AP1G1: variants seen among roughly 807,000 people sequenced by gnomAD.
AP1G1 encodes the protein adaptor related protein complex 1 subunit gamma 1.
A neutral mutation model predicts 108.3 loss-of-function variants in AP1G1; 7 were observed. The observed-to-expected ratio is 0.06, with a 90% CI of 0.04 to 0.12. The LOEUF (loss-of-function observed/expected upper bound fraction) is 0.12. Ranked by LOEUF, AP1G1 falls within the 10% of genes least tolerant of loss-of-function variation. The pLI is 1.00. For missense variants in AP1G1, 756 were observed against 1,010.7 expected, an observed-to-expected ratio of 0.75 and a Z score of 3.42; for synonymous variants, 379 against 353.5, an observed-to-expected ratio of 1.07 and a Z score of -0.81.
At chr16:71,750,056 A>T in intron 14 of AP1G1, 73 bp from the exon 15 acceptor site, 1 of 1,489,840 alleles carries the variant, frequency 6.7e-7, no homozygotes, top group South Asian at 1.1e-5. Context: ...ATCATAGGTC[A>T]TCTCATAATA....
chr16:71,770,908 AT>A (rs2031545108), intron 5 of AP1G1, among the ~76,000 whole-genome samples: 2 of 152,218 alleles, frequency 1.3e-5, no homozygotes, highest in Non-Finnish European at 2.9e-5. Flanking sequence ...ACAACTTAAT[AT>A]TTTTAATAAA....
intron 17 of AP1G1, 54 bp downstream of exon 17, chr16:71,746,534 C>T: frequency 1.8e-6 from 2 of 1,109,744 alleles, no homozygotes; most frequent in Non-Finnish European, 2.6e-6. Flanking sequence ...ATTACCATGA[C>T]AATTTAGTCA....
intron 1 of AP1G1, among the ~76,000 whole-genome samples, chr16:71,789,832 C>T (rs1429309711): frequency 6.6e-6 from 1 of 152,158 alleles, no homozygotes; most frequent in African/African-American, 2.4e-5. Context: ...AAGGAAAGGC[C>T]TATGCCTAAC....
Position 71,745,464 on chromosome 16 carries a change from G to C in AP1G1, c.1872+9C>G. On this transcript the variant is annotated intron_variant, in intron 18 of 22. Transcript: ENST00000299980. ...GAAGCCCCAGATGAGCAAGTGAAAG[G>C]CTGGCTACCTGGCTGGTGGGCTGTG... The C allele has an allele frequency of 1.2e-6, 2 of 1,614,128 alleles. No homozygotes were observed. The highest frequency in any genetic ancestry group is 1.7e-6 in the Non-Finnish European group (2 of 1,180,030).
intron 1 of AP1G1, among the ~76,000 whole-genome samples, chr16:71,793,764 A>C (rs1347859304): frequency 6.7e-6 from 1 of 149,926 alleles, no homozygotes; most frequent in African/African-American, 2.5e-5. Context: ...GGCTCACTGC[A>C]ATCTCTGCCT....
intron 1 of AP1G1, among the ~76,000 whole-genome samples, chr16:71,794,905 T>C (rs2032533381): frequency 7.4e-6 from 1 of 135,626 alleles, no homozygotes; most frequent in African/African-American, 2.7e-5. Flanking sequence ...ACAAGCTCCC[T>C]AAGGCTAGAT....
At chr16:71,734,517 G>T in intron 22 of AP1G1, 92 bp downstream of exon 22, 1 of 1,054,412 alleles carries the variant, frequency 9.5e-7, no homozygotes, top group Non-Finnish European at 1.5e-6. Context: ...CTAACTATGA[G>T]TCAGAAAAAC....
At chr16:71,763,991 T>C (rs1417573182) in intron 9 of AP1G1, among the ~76,000 whole-genome samples, 1 of 152,208 alleles carries the variant, frequency 6.6e-6, no homozygotes, top group Non-Finnish European at 1.5e-5. Context: ...GATATTTACA[T>C]AGTCTCAAAA....
chr16:71,777,130 A>C (rs1181892917), intron 2 of AP1G1, among the ~76,000 whole-genome samples: 1 of 149,286 alleles, frequency 6.7e-6, no homozygotes, highest in East Asian at 1.9e-4. Flanking sequence ...AAAAAAAAAA[A>C]AAAACTATAC....
At chr16:71,760,690 G>A (rs2031044387) in intron 10 of AP1G1, among the ~76,000 whole-genome samples, 1 of 152,036 alleles carries the variant, frequency 6.6e-6, no homozygotes, top group Admixed American at 6.6e-5. Flanking sequence ...GACTACAGGT[G>A]CACATCACCA....
chr16:71,786,749 G>C (rs1286579344), intron 2 of AP1G1, among the ~76,000 whole-genome samples: 2 of 151,916 alleles, frequency 1.3e-5, no homozygotes, highest in African/African-American at 4.8e-5. Context: ...GTGAGCCACC[G>C]CACCCAGCCC....
chr16:71,801,579 C>A (rs1162106126), intron 1 of AP1G1, among the ~76,000 whole-genome samples: 2 of 152,224 alleles, frequency 1.3e-5, no homozygotes, highest in Admixed American at 6.5e-5. Context: ...AATCCAAAAT[C>A]TGAAATTCTC....
rs190929863 is a variant in AP1G1, at chr16:71,758,000, T to C, written c.1088+808A>G. 1.1e-4 allele frequency among the ~76,000 whole-genome samples: 17 copies of C among 152,304 alleles called. No individual in the cohort carries two copies. The East Asian group carries it at 3.1e-3, about 28-fold the overall frequency. On this transcript the variant is annotated intron_variant, in intron 11 of 22. Coordinates refer to ENST00000299980, the MANE Select transcript of AP1G1 (RefSeq NM_001128.6). ...ACCCACTGAGAGGGTACTTATAAAA[T>C]CTTTTGCAAAGCACTATATAAAAGT...
At chr16:71,808,366 G>C (rs780421735) in intron 1 of AP1G1, 2 of 876,140 alleles carry the variant, frequency 2.3e-6, no homozygotes, top group African/African-American at 3.6e-5. Context: ...CCTGACACGG[G>C]TACAAGACAC....
intron 2 of AP1G1, among the ~76,000 whole-genome samples, chr16:71,779,436 G>A (rs573051688): frequency 2.0e-4 from 30 of 152,024 alleles, no homozygotes; most frequent in South Asian, 6.2e-4. Flanking sequence ...TGACTCTCAC[G>A]TTCAAGCAGT....
In AP1G1 at chr16:71,729,688, C is replaced by T. The variant is rs1418256455; in HGVS notation, c.*3370G>A. On this transcript the variant is annotated 3_prime_UTR_variant, in exon 23 of 23. Transcript: ENST00000299980. ...GTTTTAAACTTCAGGACTTTCTGTGCAATTCTCTCTCCAATGATCCTACCC... is the reference window on the plus strand; with the variant it reads ...GTTTTAAACTTCAGGACTTTCTGTGTAATTCTCTCTCCAATGATCCTACCC... 1 of 152,624 alleles carries T rather than the reference C, an allele frequency of 6.6e-6. No individual in the cohort carries two copies. The highest frequency in any genetic ancestry group is 1.5e-5 in the Non-Finnish European group (1 of 68,038). 9.5% of individuals were successfully genotyped at this position (152,624 alleles called of 1,614,324 possible).
intron 12 of AP1G1, among the ~76,000 whole-genome samples, chr16:71,755,405 C>A (rs763057256): frequency 1.3e-5 from 2 of 151,956 alleles, no homozygotes; most frequent in Admixed American, 1.3e-4. Context: ...CCACTGCACT[C>A]CAGCCTAGGT....
chr16:71,768,007 A>G (rs1268968449), intron 6 of AP1G1: 5 of 1,037,280 alleles, frequency 4.8e-6, no homozygotes, highest in Non-Finnish European at 5.7e-6. Flanking sequence ...CATCTAAGGG[A>G]AAAAAAGCCA....
intron 1 of AP1G1, among the ~76,000 whole-genome samples, chr16:71,798,474 C>T (rs2032664469): frequency 6.6e-6 from 1 of 151,646 alleles, no homozygotes; most frequent in South Asian, 2.1e-4. Context: ...GCTGGGATTA[C>T]AGGCATGAGC....
Sources: gnomAD v4.1 joint callset for allele counts (sites outside exome capture counted in the v4.1 genomes callset) on GRCh38, gnomAD v4.1.1 for gene constraint, MANE v1.5 for transcripts, NCBI Gene and HGNC (gene_info 2026-07-23, HGNC 2026-07-21) for gene names.